ZNF787: variants seen among roughly 807,000 people sequenced by gnomAD.
ZNF787 encodes TTF-I-interacting peptide 20.
In ZNF787, 7 loss-of-function variants were observed where a neutral mutation model predicts 16.9. The observed-to-expected ratio is 0.42, with a 90% CI of 0.24 to 0.78. The LOEUF (loss-of-function observed/expected upper bound fraction) is 0.78. ZNF787 is among the 30% of genes least tolerant of loss of function. The pLI, the probability that ZNF787 is intolerant of heterozygous loss-of-function variation, is 0.30. For synonymous variants in ZNF787, 345 were observed against 270.9 expected, an observed-to-expected ratio of 1.27 and a Z score of -2.69; for missense variants, 551 against 589.3, an observed-to-expected ratio of 0.94 and a Z score of 0.67.
Position 56,087,994 on chromosome 19 carries a change from C to CA in ZNF787, c.*28_*29insT. Reference sequence around the variant, plus strand: ...TCGCTCCCGCCAAGCCCGAGGGGCCCTGCCCGCCCCCCCCCCCGGGCCCCT... The same window carrying CA: ...TCGCTCCCGCCAAGCCCGAGGGGCCCATGCCCGCCCCCCCCCCCGGGCCCCT... On this transcript the variant is annotated 3_prime_UTR_variant, in exon 3 of 3. Coordinates refer to ENST00000610935, the MANE Select transcript of ZNF787 (RefSeq NM_001002836.4). The CA allele has an allele frequency of 9.6e-6, 12 of 1,248,868 alleles. No homozygotes were observed. The highest frequency in any genetic ancestry group is 2.1e-5 in the South Asian group (1 of 47,120). The allele number at this position is 1,248,868 out of a possible 1,614,324, so 77.4% of individuals were successfully genotyped here. A position where few individuals can be genotyped will look rare whatever the true frequency, so the allele number is the denominator to read the frequency against.
chr19:56,109,256 G>A (rs2029910529), intron 1 of ZNF787, among the ~76,000 whole-genome samples: 1 of 152,206 alleles, frequency 6.6e-6, no homozygotes, highest in South Asian at 2.1e-4. Context: ...GGTGCTGGGG[G>A]CCAGCAGTGA....
Position 56,088,686 on chromosome 19 carries a change from G to T in ZNF787, c.486C>A (p.Ser162Arg). Residue 162 changes from serine to arginine, a missense_variant, in exon 3 of 3, where the codon AGC becomes AGA. Transcript: ENST00000610935. The surrounding 1 kb of genome is among the most constrained non-coding windows in gnomAD (Gnocchi z 8.6). ...CPDCGRSFTQSKSLAKHRRSH... is the reference protein window; with the variant it reads ...CPDCGRSFTQRKSLAKHRRSH... ...AGCGCCGGTGCTTGGCCAGGCTCTT[G>T]CTCTGAGTGAAGCTGCGGCCGCAGT... 2 of 1,596,438 alleles carry T rather than the reference G, an allele frequency of 1.3e-6. No homozygotes were observed. Among genetic ancestry groups the T allele is most frequent in the Admixed American group, 1.7e-5 (1 of 57,968 alleles).
intron 2 of ZNF787, among the ~76,000 whole-genome samples, chr19:56,097,402 A>G (rs76446391): frequency 6.6e-6 from 1 of 152,346 alleles, no homozygotes; most frequent in East Asian, 1.9e-4. Flanking sequence ...GGCTTTTCCA[A>G]TCTCACATGC....
In ZNF787 at chr19:56,087,888, A is replaced by AG; in HGVS notation, c.*134dup. ...CCCCCCACGGACGGCGCAGGGACAGAGGAGGGCGGGGAGCCGGGGATGCCG... is the reference window on the plus strand; with the variant it reads ...CCCCCCACGGACGGCGCAGGGACAGAGGGAGGGCGGGGAGCCGGGGATGCCG... On this transcript the variant is annotated 3_prime_UTR_variant, in exon 3 of 3. Coordinates refer to ENST00000610935, the MANE Select transcript of ZNF787 (RefSeq NM_001002836.4). 7.9e-7 allele frequency: 1 copy of AG among 1,260,198 alleles called. No individual in the cohort carries two copies. The highest frequency in any genetic ancestry group is 2.3e-5 in the South Asian group (1 of 43,370). 78.1% of individuals were successfully genotyped at this position (1,260,198 alleles called of 1,614,324 possible).
At chr19:56,107,861 TG>T (rs1407468069) in intron 1 of ZNF787, among the ~76,000 whole-genome samples, 1 of 146,848 alleles carries the variant, frequency 6.8e-6, no homozygotes, top group Non-Finnish European at 1.5e-5. Flanking sequence ...AGGCCGGGCA[TG>T]CTGGGGGCTG....
intron 1 of ZNF787, 138 bp downstream of exon 1, chr19:56,121,034 C>T (rs1413732200): frequency 1.4e-5 from 2 of 141,526 alleles, no homozygotes; most frequent in East Asian, 2.1e-4. Context: ...CTCACGCCCC[C>T]CCAGCAGCGC....
intron 2 of ZNF787, among the ~76,000 whole-genome samples, chr19:56,092,134 A>T (rs1985626790): frequency 6.6e-6 from 1 of 152,138 alleles, no homozygotes; most frequent in African/African-American, 2.4e-5. Context: ...AAAGGGATTC[A>T]ACGAATTCCC....
intron 1 of ZNF787, among the ~76,000 whole-genome samples, chr19:56,108,848 T>G (rs927260609): frequency 5.9e-5 from 9 of 152,136 alleles, no homozygotes; most frequent in African/African-American, 2.2e-4. Context: ...GAGTTCAGGC[T>G]AAACTGCCAT....
chr19:56,110,716 C>G (rs527783236), intron 1 of ZNF787, among the ~76,000 whole-genome samples: 3 of 152,210 alleles, frequency 2.0e-5, no homozygotes, highest in Non-Finnish European at 4.4e-5. Context: ...CTTCCCCTGG[C>G]CTCCACCTCC....
At chr19:56,115,079 A>T (rs4801676) in intron 1 of ZNF787, among the ~76,000 whole-genome samples, 3 of 151,738 alleles carry the variant, frequency 2.0e-5, no homozygotes, top group Non-Finnish European at 2.9e-5. Flanking sequence ...TCATTTCCTC[A>T]GCCCCGGGAC....
At chr19:56,094,256 C>A (rs895557591) in intron 2 of ZNF787, among the ~76,000 whole-genome samples, 7 of 146,098 alleles carry the variant, frequency 4.8e-5, no homozygotes, top group African/African-American at 1.8e-4. Flanking sequence ...GGTCTTGAAC[C>A]TCTGCCCTCA....
chr19:56,107,947 C>T (rs1568532553), intron 1 of ZNF787, among the ~76,000 whole-genome samples: 1 of 151,342 alleles, frequency 6.6e-6, no homozygotes, highest in Non-Finnish European at 1.5e-5. Flanking sequence ...CAGTACCTGC[C>T]GGGAGGACTG....
intron 1 of ZNF787, chr19:56,105,414 C>G (rs1986264297): frequency 6.6e-6 from 1 of 152,230 alleles, no homozygotes; most frequent in African/African-American, 2.4e-5. Flanking sequence ...AAAAAAACGT[C>G]CTGCCGGCCT....
At chr19:56,113,212 C>A (rs1205392349) in intron 1 of ZNF787, among the ~76,000 whole-genome samples, 1 of 152,148 alleles carries the variant, frequency 6.6e-6, no homozygotes, top group African/African-American at 2.4e-5. Context: ...CAGCACCTCA[C>A]ACCCACTGCC....
At chr19:56,099,183 G>A (rs917050335) in intron 2 of ZNF787, among the ~76,000 whole-genome samples, 2 of 152,084 alleles carry the variant, frequency 1.3e-5, no homozygotes, top group South Asian at 2.1e-4. Context: ...CAGGGCCCTC[G>A]AGCCACACTG....
rs1985452831 is a variant in ZNF787, at chr19:56,088,750, T to C, written c.422A>G (p.Gln141Arg). ...FSWSSNLMQH[Q>R]RIHTGEKPYT... Reference sequence around the variant, plus strand: ...GGGCTTCTCGCCCGTGTGGATGCGCTGGTGCTGCATGAGGTTGGAGCTCCA... The same window carrying C: ...GGGCTTCTCGCCCGTGTGGATGCGCCGGTGCTGCATGAGGTTGGAGCTCCA... The change falls in exon 3 of 3, where the codon CAG becomes CGG. Residue 141 changes from glutamine to arginine, a missense_variant. Physicochemically the swap from Gln to Arg is conservative, Grantham distance 43 (BLOSUM62 1). This residue lies in a region of ZNF787 where 39 missense variants were observed against 109.9 expected (regional missense o/e 0.35). Coordinates refer to ENST00000610935, the MANE Select transcript of ZNF787 (RefSeq NM_001002836.4). The surrounding 1 kb of genome is among the most constrained non-coding windows in gnomAD (Gnocchi z 8.6). The C allele has an allele frequency of 1.2e-6, 2 of 1,610,042 alleles. No homozygotes were observed. The highest frequency in any genetic ancestry group is 1.7e-6 in the Non-Finnish European group (2 of 1,178,778).
intron 2 of ZNF787, 157 bp downstream of exon 2, chr19:56,102,982 G>A (rs751575507): frequency 5.2e-6 from 4 of 763,580 alleles, no homozygotes; most frequent in Admixed American, 2.0e-5. Context: ...AGCCAGGAGT[G>A]CAAGGCCCAG....
chr19:56,105,587 AGG>A (rs112038198), intron 1 of ZNF787: 7 of 151,154 alleles, frequency 4.6e-5, no homozygotes, highest in African/African-American at 1.7e-4. Flanking sequence ...TGCAGGAGGC[AGG>A]GGCTGTAACC....
At chr19:56,116,478 C>G (rs1394616128) in intron 1 of ZNF787, among the ~76,000 whole-genome samples, 1 of 152,052 alleles carries the variant, frequency 6.6e-6, no homozygotes, top group East Asian at 1.9e-4. Context: ...CCCTGGTCAC[C>G]ACTCAGGTGG....
Sources: gnomAD v4.1 joint callset for allele counts (sites outside exome capture counted in the v4.1 genomes callset) on GRCh38, gnomAD v4.1.1 for gene constraint, gnomAD v4.1.1 regional missense constraint, Gnocchi (gnomAD v3.1) non-coding constraint, MANE v1.5 for transcripts, NCBI Gene and HGNC (gene_info 2026-07-23, HGNC 2026-07-21) for gene names.